GRIN2D: variants seen among roughly 807,000 people sequenced by gnomAD.
The protein encoded by GRIN2D is glutamate ionotropic receptor NMDA type subunit 2D.
GRIN2D carries 37 observed loss-of-function variants against 103.2 expected under a neutral mutation model. The observed-to-expected ratio is 0.36, with a 90% confidence interval of 0.28 to 0.47. The LOEUF is 0.47. Ranked by LOEUF, GRIN2D falls within the 20% of genes least tolerant of loss-of-function variation. The pLI is 1.00. For missense variants in GRIN2D, 1,557 were observed against 1,910.6 expected (o/e 0.81, Z 3.45); for synonymous variants, 845 against 885.6 (o/e 0.95, Z 0.81).
chr19:48,441,747 CCT>C lies in GRIN2D; in HGVS notation c.2253-20_2253-19del. ...GGCATCTAGGTGGGACTGACCCTAC[CCT>C]CCATTCCCCCTCCCCCCAGGAAGCT... On this transcript the variant is annotated intron_variant, in intron 11 of 13. Coordinates refer to ENST00000263269, the MANE Select transcript of GRIN2D (RefSeq NM_000836.4). 2 of 1,595,250 alleles carry C rather than the reference CCT, an allele frequency of 1.3e-6. No individual in the cohort carries two copies. Among genetic ancestry groups the C allele is most frequent in the Non-Finnish European group, 1.7e-6 (2 of 1,167,598 alleles).
chr19:48,434,069 T>C (rs1454568593), intron 11 of GRIN2D, among the ~76,000 whole-genome samples: 2 of 142,360 alleles, frequency 1.4e-5, no homozygotes, highest in African/African-American at 5.3e-5. Flanking sequence ...CTGCCTCAGC[T>C]TCCCGAGTAG....
Position 48,443,483 on chromosome 19 carries a change from T to A in GRIN2D, c.3557T>A (p.Leu1186Gln). 7.3e-7 allele frequency: 1 copy of A among 1,364,492 alleles called. No individual in the cohort carries two copies. Among genetic ancestry groups the A allele is most frequent in the South Asian group, 1.7e-5 (1 of 60,400 alleles). 84.5% of individuals were successfully genotyped at this position (1,364,492 alleles called of 1,614,324 possible). The part of the protein sequence containing the change: ...AAWHCRHCAS[L>Q]ELLPPPRHLS... ...TGGCACTGTCGGCACTGCGCCAGCCTGGAGCTGCTGCCGCCGCCGCGCCAT... is the reference window on the plus strand; with the variant it reads ...TGGCACTGTCGGCACTGCGCCAGCCAGGAGCTGCTGCCGCCGCCGCGCCAT... The change falls in exon 14 of 14, where the codon CTG (leucine) becomes CAG (glutamine). Residue 1186 changes from leucine (L) to glutamine (Q), a missense_variant. Around this residue, in one of 7 missense-constraint regions of GRIN2D, gnomAD observed 632 missense variants for 572.8 expected, o/e 1.10. Transcript: ENST00000263269. The surrounding 1 kb of genome is among the most constrained non-coding windows in gnomAD (Gnocchi z 8.9).
Position 48,404,766 on chromosome 19 carries a change from T to C in GRIN2D, c.498T>C (p.Ser166=), listed in dbSNP as rs2147441348. 2 of 1,611,742 alleles carry C rather than the reference T, an allele frequency of 1.2e-6. No individual in the cohort carries two copies. Among genetic ancestry groups the C allele is most frequent in the Non-Finnish European group, 1.7e-6 (2 of 1,178,372 alleles). ...GCTCCACCTTCCTGCAGCTGGGCTC[T>C]TCCACCGAGCAACAGCTTCAGGTCA... is the stretch of plus-strand genomic sequence containing the variant. The part of the protein sequence containing the change: ...EKGSTFLQLG[S]STEQQLQVIF... Residue 166 remains serine, a synonymous_variant, in exon 4 of 14, where the codon TCT becomes TCC. Coordinates refer to ENST00000263269, the MANE Select transcript of GRIN2D (RefSeq NM_000836.4).
chr19:48,418,968 C>T (rs915857678), intron 8 of GRIN2D, among the ~76,000 whole-genome samples: 11 of 151,976 alleles, frequency 7.2e-5, no homozygotes, highest in African/African-American at 2.7e-4. Context: ...AGAGATAGGG[C>T]CAGAATAGGA....
intron 11 of GRIN2D, among the ~76,000 whole-genome samples, chr19:48,426,791 G>A (rs1055190539): frequency 6.6e-6 from 1 of 151,628 alleles, no homozygotes; most frequent in Admixed American, 6.6e-5. Flanking sequence ...CACCATGTTG[G>A]CCAGGCTGGT....
intron 11 of GRIN2D, among the ~76,000 whole-genome samples, chr19:48,432,396 T>C (rs34997741): frequency 0.14 from 20,589 of 152,034 alleles, 1,643 homozygotes; most frequent in South Asian, 0.24. Context: ...CGTATTCTCA[T>C]GTCATTTGTT....
In GRIN2D at chr19:48,443,813, G is replaced by T; in HGVS notation, c.3887G>T (p.Arg1296Met). Residue 1296 changes from arginine (R) to methionine (M), a missense_variant, in exon 14 of 14, where the codon AGG becomes ATG. By Grantham distance (91) the Arg-to-Met change is moderately conservative. Around this residue, in one of 7 missense-constraint regions of GRIN2D, gnomAD observed 88 missense variants for 84.3 expected, o/e 1.04. Transcript: ENST00000263269. The surrounding 1 kb of genome is among the most constrained non-coding windows in gnomAD (Gnocchi z 8.9). ...ACCGGGCCCTCCCGCCACGCTCGCA[G>T]GTGTCCGCACGCCGCGCACTGGGGG... ...RLTGPSRHAR[R>M]CPHAAHWGPP... is the part of the protein sequence containing the mutation. The T allele has an allele frequency of 6.8e-7, 1 of 1,480,620 alleles. No homozygotes were observed. Among genetic ancestry groups the T allele is most frequent in the Non-Finnish European group, 8.9e-7 (1 of 1,123,946 alleles). 91.7% of individuals were successfully genotyped at this position (1,480,620 alleles called of 1,614,324 possible). A position where few individuals can be genotyped will look rare whatever the true frequency, so the allele number is the denominator to read the frequency against.
chr19:48,443,376 C>A lies in GRIN2D; in HGVS notation c.3450C>A (p.Gly1150=). 2.7e-6 allele frequency: 4 copies of A among 1,486,030 alleles called. No individual in the cohort carries two copies. Among genetic ancestry groups the A allele is most frequent in the Non-Finnish European group, 3.6e-6 (4 of 1,125,222 alleles). 92.1% of individuals were successfully genotyped at this position (1,486,030 alleles called of 1,614,324 possible). A position where few individuals can be genotyped will look rare whatever the true frequency, so the allele number is the denominator to read the frequency against. ...PYAERLGPPP[G]RYWSVDKLGG... ...CCGAGCGCCTCGGGCCGCCGCCCGG[C>A]CGCTACTGGTCGGTCGACAAGCTCG... is the stretch of plus-strand genomic sequence containing the variant. The change falls in exon 14 of 14, where the codon GGC becomes GGA. Residue 1150 remains glycine, a synonymous_variant. Coordinates refer to ENST00000263269, the MANE Select transcript of GRIN2D (RefSeq NM_000836.4). This position sits in a 1 kb window ranked among gnomAD's most constrained non-coding sequence, Gnocchi z 8.9.
chr19:48,396,950 T>C (rs907585457), intron 2 of GRIN2D, among the ~76,000 whole-genome samples: 1 of 152,058 alleles, frequency 6.6e-6, no homozygotes, highest in Non-Finnish European at 1.5e-5. Flanking sequence ...AGTGCCCTCC[T>C]CCCTCAGTCC....
intron 2 of GRIN2D, among the ~76,000 whole-genome samples, chr19:48,398,030 T>A (rs1180644826): frequency 6.6e-6 from 1 of 150,724 alleles, no homozygotes; most frequent in Non-Finnish European, 1.5e-5. Context: ...CTCTGCTGTG[T>A]CTGTCTCTCC....
chr19:48,394,708 G>T lies in GRIN2D; in HGVS notation c.-255G>T, dbSNP rs1049548861. Among the ~76,000 whole-genome samples, 2 of 152,316 alleles carry T rather than the reference G, an allele frequency of 1.3e-5. No homozygotes were observed. The highest frequency in any genetic ancestry group is 1.9e-4 in the East Asian group (1 of 5,182). On this transcript the variant is annotated 5_prime_UTR_variant, in exon 2 of 14. Coordinates refer to ENST00000263269, the MANE Select transcript of GRIN2D (RefSeq NM_000836.4). This position sits in a 1 kb window ranked among gnomAD's most constrained non-coding sequence, Gnocchi z 5.1. ...CCTAGTCCAGGTGGCCGCAACCTTG[G>T]GGGAGAGACAGGGCAGGACAGGACC...
At chr19:48,412,477 GAAA>G (rs1301300643) in intron 4 of GRIN2D, among the ~76,000 whole-genome samples, 114 of 149,830 alleles carry the variant, frequency 7.6e-4, no homozygotes, top group African/African-American at 2.6e-3. Context: ...AAGAAAGAAA[GAAA>G]GAGAGAGAAA....
In GRIN2D at chr19:48,421,696, G is replaced by A. The variant is rs964191358; in HGVS notation, c.2092-89G>A. 5 of 1,075,538 alleles carry A rather than the reference G, an allele frequency of 4.6e-6. No homozygotes were observed. The highest frequency in any genetic ancestry group is 5.6e-6 in the Non-Finnish European group (4 of 713,726). 66.6% of individuals were successfully genotyped at this position (1,075,538 alleles called of 1,614,324 possible). On this transcript the variant is annotated intron_variant, in intron 10 of 13. Transcript: ENST00000263269. This position sits in a 1 kb window ranked among gnomAD's most constrained non-coding sequence, Gnocchi z 4.8. The stretch of plus-strand genomic sequence containing the variant: ...GAACACTCCTGGGACTGGGGTGTCT[G>A]CCAGATAGCGGGTGTGTCTCAGAAT...
intron 11 of GRIN2D, among the ~76,000 whole-genome samples, chr19:48,431,633 G>A (rs1428752850): frequency 6.8e-6 from 1 of 147,564 alleles, no homozygotes; most frequent in African/African-American, 2.5e-5. Context: ...TGCCCAGGCT[G>A]GAGTGCAATG....
rs1293892484 is a variant in GRIN2D at position 48,442,878 on chromosome 19, G to A, written c.2952G>A (p.Pro984=). The A allele has an allele frequency of 1.8e-6, 2 of 1,082,594 alleles. No homozygotes were observed. The highest frequency in any genetic ancestry group is 6.4e-5 in the East Asian group (1 of 15,704). The allele number at this position is 1,082,594 out of a possible 1,614,324, so 67.1% of individuals were successfully genotyped here. A position where few individuals can be genotyped will look rare whatever the true frequency, so the allele number is the denominator to read the frequency against. Residue 984 remains proline, a synonymous_variant, in exon 14 of 14, where the codon CCG becomes CCA. Transcript: ENST00000263269. The surrounding 1 kb of genome is among the most constrained non-coding windows in gnomAD (Gnocchi z 7.2). ...GCCTGGGCGAAGCGCGCGCGGCACC[G>A]CGGGGCGCAGCCGGGCGCCCGCTGT... ...GLGLGEARAA[P]RGAAGRPLSP...
At position 48,419,673 on chromosome 19, in the gene GRIN2D, C is replaced by G. The variant is rs373262324; in HGVS notation, c.1950C>G (p.Pro650=). Reference sequence around the variant, plus strand: ...ATAATTCGGTGCCCGTGGAGAACCCCCGGGGAACCACCAGCAAAATCATGG... The same window carrying G: ...ATAATTCGGTGCCCGTGGAGAACCCGCGGGGAACCACCAGCAAAATCATGG... ...VFNNSVPVEN[P]RGTTSKIMVL... The change falls in exon 10 of 14, where the codon CCC becomes CCG. Residue 650 remains proline, a synonymous_variant. Coordinates refer to ENST00000263269, the MANE Select transcript of GRIN2D (RefSeq NM_000836.4). 3.7e-6 allele frequency: 6 copies of G among 1,613,354 alleles called. No homozygotes were observed. Among genetic ancestry groups the G allele is most frequent in the Non-Finnish European group, 4.2e-6 (5 of 1,179,728 alleles).
Position 48,443,068 on chromosome 19 carries a change from T to C in GRIN2D, c.3142T>C (p.Leu1048=), listed in dbSNP as rs111420822. The change falls in exon 14 of 14, where the codon TTG becomes CTG. Residue 1048 remains leucine, a synonymous_variant. Transcript: ENST00000263269. The surrounding 1 kb of genome is among the most constrained non-coding windows in gnomAD (Gnocchi z 8.9). ...ATAVGPPLCR[L]AFEDESPPAP... ...CGCCGTCGGGCCGCCACTCTGCCGC[T>C]TGGCCTTCGAGGACGAGAGCCCGCC... is the stretch of plus-strand genomic sequence containing the variant. The C allele has an allele frequency of 0.88, 918,536 of 1,043,792 alleles. 408,013 individuals carry two copies. The highest frequency in any genetic ancestry group is 0.91 in the Non-Finnish European group (789,465 of 869,558). The allele number at this position is 1,043,792 out of a possible 1,614,324, so 64.7% of individuals were successfully genotyped here.
intron 11 of GRIN2D, among the ~76,000 whole-genome samples, chr19:48,436,846 G>A (rs1228485188): frequency 6.6e-6 from 1 of 152,142 alleles, no homozygotes; most frequent in Non-Finnish European, 1.5e-5. Flanking sequence ...CAGAGTGAGG[G>A]GGGGCTTGGG....
intron 11 of GRIN2D, among the ~76,000 whole-genome samples, chr19:48,436,969 G>C (rs1468659368): frequency 6.6e-6 from 1 of 152,158 alleles, no homozygotes; most frequent in African/African-American, 2.4e-5. Flanking sequence ...GGGGTGGTGA[G>C]CTGAAAAGGG....
Sources: gnomAD v4.1 joint callset for allele counts (sites outside exome capture counted in the v4.1 genomes callset) on GRCh38, gnomAD v4.1.1 for gene constraint, gnomAD v4.1.1 regional missense constraint, Gnocchi (gnomAD v3.1) non-coding constraint, MANE v1.5 for transcripts, NCBI Gene and HGNC (gene_info 2026-07-23, HGNC 2026-07-21) for gene names.